HSD17B2: variants seen among roughly 807,000 people sequenced by gnomAD.
HSD17B2 encodes hydroxysteroid 17-beta dehydrogenase 2, also known as 17-beta-hydroxysteroid dehydrogenase type 2.
Under a neutral mutation model 26.9 loss-of-function variants are expected in HSD17B2, and 32 were observed. That is an observed-to-expected ratio of 1.19 (90% CI 0.90 to 1.60). HSD17B2 has a LOEUF of 1.60. HSD17B2 is among the 40% of genes most tolerant of loss of function. The probability of loss-of-function intolerance (pLI) is 0.00; values close to 1 mark genes in which losing one functional copy is unlikely to be tolerated. For synonymous variants in HSD17B2, 246 were observed against 186.7 expected, an observed-to-expected ratio of 1.32 and a Z score of -2.59; for missense variants, 613 against 468.6, an observed-to-expected ratio of 1.31 and a Z score of -2.85.
At chr16:82,041,080 G>A (rs1567576144) in intron 1 of HSD17B2, among the ~76,000 whole-genome samples, 1 of 152,208 alleles carries the variant, frequency 6.6e-6, no homozygotes. Flanking sequence ...TTTGAACAAT[G>A]ATTGTATCAG....
At chr16:82,077,980 C>G (rs1357863948) in intron 3 of HSD17B2, among the ~76,000 whole-genome samples, 1 of 152,146 alleles carries the variant, frequency 6.6e-6, no homozygotes, top group Non-Finnish European at 1.5e-5. Context: ...CTCCAGGACA[C>G]TGGAATTGGC....
At chr16:82,060,377 T>C (rs1331860899) in intron 1 of HSD17B2, among the ~76,000 whole-genome samples, 1 of 152,160 alleles carries the variant, frequency 6.6e-6, no homozygotes, top group Admixed American at 6.5e-5. Context: ...AATGTGTGTG[T>C]GTGTGAGAGC....
intron 2 of HSD17B2, among the ~76,000 whole-genome samples, chr16:82,070,407 C>A (rs1255441328): frequency 6.6e-6 from 1 of 152,234 alleles, no homozygotes; most frequent in Non-Finnish European, 1.5e-5. Flanking sequence ...TCCCAATGCC[C>A]TCCTTGCAAC....
rs4602032 is a variant in HSD17B2 at position 82,052,780 on chromosome 16, T to C, written c.266-15390T>C. Among the ~76,000 whole-genome samples, 370 of 152,350 alleles carry C rather than the reference T, an allele frequency of 2.4e-3. 3 individuals carry two copies. The highest frequency in any genetic ancestry group is 8.7e-3 in the African/African-American group (361 of 41,578). On this transcript the variant is annotated intron_variant, in intron 1 of 4. Transcript: ENST00000199936. ...GTAGTAGGAGACAGGTAGTTCACTT[T>C]ATTGGTCTCCTGGAACTGCTGTAAA...
intron 1 of HSD17B2, among the ~76,000 whole-genome samples, chr16:82,047,851 A>C (rs1467496675): frequency 6.6e-6 from 1 of 152,226 alleles, no homozygotes; most frequent in African/African-American, 2.4e-5. Context: ...CCCAGTGAAA[A>C]ACATGGTGTC....
chr16:82,080,254 C>T (rs1020816001), intron 3 of HSD17B2, among the ~76,000 whole-genome samples: 12 of 152,172 alleles, frequency 7.9e-5, no homozygotes, highest in African/African-American at 2.7e-4. Context: ...TTGTCTGCAA[C>T]CTGTGAGCCT....
At chr16:82,076,653 C>T (rs927551535) in intron 3 of HSD17B2, among the ~76,000 whole-genome samples, 1 of 152,208 alleles carries the variant, frequency 6.6e-6, no homozygotes, top group African/African-American at 2.4e-5. Flanking sequence ...CGGCTCACTG[C>T]AGTCTCCACC....
intron 1 of HSD17B2, among the ~76,000 whole-genome samples, chr16:82,038,986 G>A (rs1403072222): frequency 1.3e-5 from 2 of 152,080 alleles, no homozygotes; most frequent in African/African-American, 4.8e-5. Context: ...CAGGAGGGGA[G>A]ACTTAATTCC....
intron 1 of HSD17B2, among the ~76,000 whole-genome samples, chr16:82,053,015 C>T (rs534236377): frequency 1.6e-4 from 24 of 152,316 alleles, no homozygotes; most frequent in Middle Eastern, 3.4e-3. Flanking sequence ...CTTGGGGGCC[C>T]CATTATGACC....
Position 82,098,074 on chromosome 16 carries a change from G to C in HSD17B2, c.803-1G>C, listed in dbSNP as rs1904906270. On this transcript the variant is annotated splice_acceptor_variant, in intron 4 of 4. Transcript: ENST00000199936. LOFTEE classifies it high-confidence loss of function. ...GACTCTTCCCTTTCCTTTCACCCCA[G>C]ATATCGCAGGCACCAGTGACAAGTG... The C allele has an allele frequency of 6.2e-7, 1 of 1,607,516 alleles. No homozygotes were observed. The highest frequency in any genetic ancestry group is 1.7e-5 in the Admixed American group (1 of 59,790).
chr16:82,038,418 C>T (rs1393094940), intron 1 of HSD17B2, among the ~76,000 whole-genome samples: 1 of 152,124 alleles, frequency 6.6e-6, no homozygotes, highest in Non-Finnish European at 1.5e-5. Flanking sequence ...GGCATGATCT[C>T]AGCTCACTGC....
chr16:82,073,110 G>C (rs1202988470), intron 3 of HSD17B2, among the ~76,000 whole-genome samples: 1 of 151,914 alleles, frequency 6.6e-6, no homozygotes, highest in Non-Finnish European at 1.5e-5. Context: ...TCTTCAACTT[G>C]GCCTTTAAAG....
chr16:82,089,085 G>C (rs976140355), intron 3 of HSD17B2, among the ~76,000 whole-genome samples: 1 of 152,126 alleles, frequency 6.6e-6, no homozygotes, highest in African/African-American at 2.4e-5. Context: ...CTAGGGGTTA[G>C]GGCTTCAAAA....
chr16:82,058,991 A>G (rs1914356414), intron 1 of HSD17B2, among the ~76,000 whole-genome samples: 1 of 152,124 alleles, frequency 6.6e-6, no homozygotes, highest in South Asian at 2.1e-4. Flanking sequence ...ACAGGCGCTC[A>G]GTGGGTGTGG....
chr16:82,082,157 G>A (rs772303041), intron 3 of HSD17B2, among the ~76,000 whole-genome samples: 5 of 152,144 alleles, frequency 3.3e-5, no homozygotes, highest in East Asian at 3.9e-4. Flanking sequence ...TTTGTTTTCC[G>A]TTAAAGACTG....
chr16:82,071,038 ACTT>A lies in HSD17B2; in HGVS notation c.579_581del (p.Phe194del). ...GACTACAAACAATGCATGGCCGTGA[ACTT>A]CTTTGGAACTGTGGAGGTCACAAAG... On this transcript the variant is annotated inframe_deletion, in exon 3 of 5. Coordinates refer to ENST00000199936, the MANE Select transcript of HSD17B2 (RefSeq NM_002153.3). The A allele has an allele frequency of 6.2e-7, 1 of 1,614,186 alleles. No homozygotes were observed. The highest frequency in any genetic ancestry group is 8.5e-7 in the Non-Finnish European group (1 of 1,180,016).
chr16:82,069,176 G>A (rs1054468129), intron 2 of HSD17B2, among the ~76,000 whole-genome samples: 1 of 152,180 alleles, frequency 6.6e-6, no homozygotes, highest in Non-Finnish European at 1.5e-5. Flanking sequence ...TTGGTTTTCT[G>A]TTCCTGCTTT....
chr16:82,094,282 A>G (rs973938071), intron 4 of HSD17B2: 7 of 152,244 alleles, frequency 4.6e-5, no homozygotes, highest in Non-Finnish European at 4.4e-5. Flanking sequence ...TGACTAGATC[A>G]TAGAGTTTTC....
intron 1 of HSD17B2, among the ~76,000 whole-genome samples, chr16:82,060,631 T>C (rs773164062): frequency 3.3e-5 from 5 of 152,220 alleles, no homozygotes; most frequent in Non-Finnish European, 7.3e-5. Flanking sequence ...CTTTTACTGA[T>C]AGATAGCAGA....
Sources: gnomAD v4.1 joint callset for allele counts (sites outside exome capture counted in the v4.1 genomes callset) on GRCh38, gnomAD v4.1.1 for gene constraint, MANE v1.5 for transcripts, NCBI Gene and HGNC (gene_info 2026-07-23, HGNC 2026-07-21) for gene names.